The following CAPZB variants were observed in gnomAD, a reference collection of about 807,000 sequenced individuals.
CAPZB encodes F-actin-capping protein subunit beta.
CAPZB carries 2 observed loss-of-function variants against 38.1 expected under a neutral mutation model. The observed-to-expected ratio is 0.05, with a 90% CI of 0.02 to 0.17. The LOEUF (loss-of-function observed/expected upper bound fraction) is 0.17. CAPZB is among the 10% of genes least tolerant of loss of function. The pLI is 1.00. For missense variants in CAPZB, 161 were observed against 334.2 expected (o/e 0.48, Z 4.04); for synonymous variants, 107 against 127.4 (o/e 0.84, Z 1.08).
chr1:19,460,889 G>T (rs2094549290), intron 1 of CAPZB, among the ~76,000 whole-genome samples: 1 of 151,996 alleles, frequency 6.6e-6, no homozygotes, highest in South Asian at 2.1e-4. Context: ...CATATAATTT[G>T]AACTGCATTG....
chr1:19,392,207 G>A (rs1001296913), intron 2 of CAPZB, among the ~76,000 whole-genome samples: 1 of 145,706 alleles, frequency 6.9e-6, no homozygotes, highest in African/African-American at 2.5e-5. Flanking sequence ...AAAAAAAAAA[G>A]AGGCAGGAAG....
intron 1 of CAPZB, among the ~76,000 whole-genome samples, chr1:19,461,272 C>T (rs2094551096): frequency 6.6e-6 from 1 of 151,798 alleles, no homozygotes; most frequent in Admixed American, 6.6e-5. Flanking sequence ...TCCAAACTGG[C>T]AAGCCTCAGC....
At chr1:19,342,969 G>A in intron 8 of CAPZB, 3 of 742,952 alleles carry the variant, frequency 4.0e-6, no homozygotes, top group South Asian at 2.9e-5. Context: ...AGACCCACGA[G>A]GCGGAAGGGG....
chr1:19,377,547 G>A (rs1021849055), intron 4 of CAPZB, among the ~76,000 whole-genome samples: 20 of 152,218 alleles, frequency 1.3e-4, no homozygotes, highest in Non-Finnish European at 1.5e-5. Context: ...CTCAAGAGGT[G>A]AATTTTACAT....
At chr1:19,379,399 A>G (rs2094162017) in intron 3 of CAPZB, among the ~76,000 whole-genome samples, 1 of 152,088 alleles carries the variant, frequency 6.6e-6, no homozygotes, top group African/African-American at 2.4e-5. Context: ...GCGCCTGGCC[A>G]TGTGTTCACC....
At chr1:19,406,159 T>C (rs1284709571) in intron 2 of CAPZB, among the ~76,000 whole-genome samples, 2 of 152,172 alleles carry the variant, frequency 1.3e-5, no homozygotes, top group East Asian at 3.9e-4. Context: ...GAATAAGAAG[T>C]GTCCGGCCCA....
At chr1:19,365,302 G>A (rs74056821) in intron 4 of CAPZB, among the ~76,000 whole-genome samples, 2,361 of 152,184 alleles carry the variant, frequency 0.016, 69 homozygotes, top group African/African-American at 0.054. Flanking sequence ...TTGGGATCCC[G>A]AAGCTGTTGT....
intron 2 of CAPZB, among the ~76,000 whole-genome samples, chr1:19,413,820 T>C (rs1255556175): frequency 6.6e-6 from 1 of 152,170 alleles, no homozygotes; most frequent in Admixed American, 6.5e-5. Flanking sequence ...GGTAGTCGTC[T>C]TGGGTCCCAG....
chr1:19,362,360 C>T (rs2094058069), intron 4 of CAPZB, among the ~76,000 whole-genome samples: 1 of 152,162 alleles, frequency 6.6e-6, no homozygotes, highest in South Asian at 2.1e-4. Flanking sequence ...CTTCAGCTTC[C>T]CAAGTAGCTG....
intron 2 of CAPZB, among the ~76,000 whole-genome samples, chr1:19,397,477 C>T (rs1370658784): frequency 6.6e-6 from 1 of 152,170 alleles, no homozygotes; most frequent in Admixed American, 6.5e-5. Flanking sequence ...ACCCTAAGGC[C>T]GTGCGGACTC....
chr1:19,393,854 G>A (rs1018037014), intron 2 of CAPZB, among the ~76,000 whole-genome samples: 5 of 152,242 alleles, frequency 3.3e-5, no homozygotes, highest in African/African-American at 4.8e-5. Flanking sequence ...GACTCCTGGC[G>A]TGTGGGCAGG....
intron 2 of CAPZB, among the ~76,000 whole-genome samples, chr1:19,410,457 C>G (rs1225249535): frequency 2.0e-5 from 3 of 152,194 alleles, no homozygotes; most frequent in African/African-American, 7.2e-5. Context: ...ACTTTCCCCC[C>G]AAACACACAC....
intron 8 of CAPZB, among the ~76,000 whole-genome samples, chr1:19,342,221 G>A (rs1199728396): frequency 6.6e-6 from 1 of 152,258 alleles, no homozygotes; most frequent in African/African-American, 2.4e-5. Flanking sequence ...CCAGGGTGGA[G>A]TCCAGCCCTG....
intron 8 of CAPZB, chr1:19,342,936 A>T: frequency 1.1e-6 from 1 of 922,264 alleles, no homozygotes. Context: ...GCAGGGGGCC[A>T]CAGCTGAGGA....
At position 19,366,302 on chromosome 1, in the gene CAPZB, A is replaced by G. The variant is rs1237255137; in HGVS notation, c.330-8739T>C. Reference sequence around the variant, plus strand: ...TCTTAAAATATATATATATATATATATATATATAAATAAAATAAATGGTCA... The same window carrying G: ...TCTTAAAATATATATATATATATATGTATATATAAATAAAATAAATGGTCA... On this transcript the variant is annotated intron_variant, in intron 4 of 8. Transcript: ENST00000264202. Among the ~76,000 whole-genome samples, 3 of 108,140 alleles carry G rather than the reference A, an allele frequency of 2.8e-5. 1 individual carries two copies. Among genetic ancestry groups the G allele is most frequent in the African/African-American group, 1.3e-4 (3 of 23,408 alleles). The allele number at this position is 108,140 out of a possible 152,430, so 70.9% of individuals were successfully genotyped here.
intron 1 of CAPZB, among the ~76,000 whole-genome samples, chr1:19,438,619 G>A (rs1047994412): frequency 5.9e-5 from 9 of 152,210 alleles, no homozygotes; most frequent in Non-Finnish European, 1.2e-4. Context: ...GAAAGGCCAC[G>A]AAGACCATCC....
chr1:19,363,348 A>G (rs954047036), intron 4 of CAPZB, among the ~76,000 whole-genome samples: 2 of 150,544 alleles, frequency 1.3e-5, no homozygotes, highest in African/African-American at 4.9e-5. Context: ...AATTACAATT[A>G]AACATCTGGT....
intron 2 of CAPZB, among the ~76,000 whole-genome samples, chr1:19,396,728 GC>G (rs2094271820): frequency 6.6e-6 from 1 of 150,990 alleles, no homozygotes; most frequent in African/African-American, 2.4e-5. Context: ...ATCACTTGAG[GC>G]CAGGAGTTCG....
At chr1:19,369,148 T>C (rs998258274) in intron 4 of CAPZB, among the ~76,000 whole-genome samples, 5 of 152,206 alleles carry the variant, frequency 3.3e-5, no homozygotes, top group African/African-American at 7.2e-5. Flanking sequence ...TTTCAGCAGA[T>C]GAAAATCAGA....
Sources: gnomAD v4.1 joint callset for allele counts (sites outside exome capture counted in the v4.1 genomes callset) on GRCh38, gnomAD v4.1.1 for gene constraint, MANE v1.5 for transcripts, NCBI Gene and HGNC (gene_info 2026-07-23, HGNC 2026-07-21) for gene names.